CA10: variants seen among roughly 807,000 people sequenced by gnomAD.
CA10 encodes carbonic anhydrase 10 (inactive).
Under a neutral mutation model 44.2 loss-of-function variants are expected in CA10, and 14 were observed. The ratio of observed to expected loss-of-function variants is 0.32; its 90% CI spans 0.21 to 0.50. The LOEUF is 0.50. CA10 is among the 20% of genes least tolerant of loss of function. The pLI is 0.99. For synonymous variants in CA10, 159 were observed against 141.6 expected, an observed-to-expected ratio of 1.12 and a Z score of -0.87; for missense variants, 350 against 409.7, an observed-to-expected ratio of 0.85 and a Z score of 1.26.
intron 4 of CA10, among the ~76,000 whole-genome samples, chr17:51,714,552 T>G (rs754043422): frequency 6.6e-6 from 1 of 152,200 alleles, no homozygotes; most frequent in East Asian, 1.9e-4. Context: ...CTTCTCTAGA[T>G]ACCTGATGAG....
intron 1 of CA10, among the ~76,000 whole-genome samples, chr17:52,137,108 C>T (rs189185697): frequency 2.0e-5 from 3 of 150,294 alleles, no homozygotes; most frequent in Admixed American, 6.6e-5. Context: ...TTTTTTCACA[C>T]ACACTTGTGA....
chr17:52,037,002 G>A, intron 2 of CA10, among the ~76,000 whole-genome samples: 1 of 152,172 alleles, frequency 6.6e-6, no homozygotes, highest in East Asian at 1.9e-4. Flanking sequence ...TGGCAGAAGA[G>A]TGGCATTCTA....
chr17:51,740,092 A>G (rs1904397374), intron 4 of CA10, among the ~76,000 whole-genome samples: 1 of 152,232 alleles, frequency 6.6e-6, no homozygotes, highest in South Asian at 2.1e-4. Context: ...TTATGACTAT[A>G]CAATTTAATT....
At chr17:51,964,945 C>G (rs1247173660) in intron 2 of CA10, among the ~76,000 whole-genome samples, 4 of 151,740 alleles carry the variant, frequency 2.6e-5, no homozygotes, top group Admixed American at 2.0e-4. Context: ...CAAATCCATA[C>G]AAAGGGTCAA....
chr17:51,894,585 A>G (rs979883671), intron 3 of CA10, among the ~76,000 whole-genome samples: 2 of 152,146 alleles, frequency 1.3e-5, no homozygotes, highest in African/African-American at 2.4e-5. Context: ...TCAGGAACCA[A>G]TTCTATTTTC....
At chr17:52,044,458 C>G (rs1409494965) in intron 2 of CA10, among the ~76,000 whole-genome samples, 1 of 151,942 alleles carries the variant, frequency 6.6e-6, no homozygotes, top group Non-Finnish European at 1.5e-5. Context: ...TGCATGCCAC[C>G]ACACCTGACT....
At chr17:51,890,955 G>C (rs1261952049) in intron 3 of CA10, among the ~76,000 whole-genome samples, 1 of 150,808 alleles carries the variant, frequency 6.6e-6, no homozygotes, top group Non-Finnish European at 1.5e-5. Context: ...CTGCAAACAA[G>C]GCCATATCTC....
chr17:51,715,118 A>G (rs1353790423), intron 4 of CA10, among the ~76,000 whole-genome samples: 1 of 152,154 alleles, frequency 6.6e-6, no homozygotes, highest in Non-Finnish European at 1.5e-5. Context: ...TTGCAAGGAC[A>G]AAAAACCAAA....
intron 3 of CA10, among the ~76,000 whole-genome samples, chr17:51,813,340 A>C (rs1907446390): frequency 6.6e-6 from 1 of 152,226 alleles, no homozygotes; most frequent in African/African-American, 2.4e-5. Context: ...CAGGTTTTTA[A>C]ATTGCTGCAG....
At chr17:52,120,436 AT>A (rs1449068965) in intron 1 of CA10, among the ~76,000 whole-genome samples, 34 of 139,758 alleles carry the variant, frequency 2.4e-4, no homozygotes, top group African/African-American at 1.0e-3. Context: ...CCTTATCCTT[AT>A]CCTTATCCTT....
chr17:51,836,649 A>G (rs1908488109), intron 3 of CA10, among the ~76,000 whole-genome samples: 2 of 152,216 alleles, frequency 1.3e-5, no homozygotes, highest in African/African-American at 4.8e-5. Context: ...AATGCTTAAC[A>G]TTTGTGAAGT....
intron 3 of CA10, among the ~76,000 whole-genome samples, chr17:51,777,450 G>A (rs1193865024): frequency 6.6e-6 from 1 of 152,088 alleles, no homozygotes; most frequent in Non-Finnish European, 1.5e-5. Context: ...CGATTTTTTT[G>A]TACAAGAGTT....
At chr17:51,902,352 A>G (rs2143933150) in intron 3 of CA10, among the ~76,000 whole-genome samples, 1 of 152,304 alleles carries the variant, frequency 6.6e-6, no homozygotes, top group Non-Finnish European at 1.5e-5. Flanking sequence ...GTGATAATGT[A>G]AAGAAATAAG....
chr17:51,667,568 C>CA (rs35051892), intron 4 of CA10, among the ~76,000 whole-genome samples: 7,792 of 146,110 alleles, frequency 0.053, 226 homozygotes, highest in Middle Eastern at 0.087. Flanking sequence ...GCTGAGCAAG[C>CA]AAAAAAAAAA....
chr17:51,993,965 C>T (rs996473862), intron 2 of CA10, among the ~76,000 whole-genome samples: 1 of 152,016 alleles, frequency 6.6e-6, no homozygotes, highest in African/African-American at 2.4e-5. Context: ...GAGTAGTTCA[C>T]ATCTTAAAGG....
chr17:51,789,967 AG>A (rs1205417091), intron 3 of CA10, among the ~76,000 whole-genome samples: 1 of 152,072 alleles, frequency 6.6e-6, no homozygotes, highest in Non-Finnish European at 1.5e-5. Context: ...CATTACCCTA[AG>A]GGCCCTCCCG....
At chr17:52,007,239 A>G (rs1310782137) in intron 2 of CA10, among the ~76,000 whole-genome samples, 1 of 151,646 alleles carries the variant, frequency 6.6e-6, no homozygotes, top group Non-Finnish European at 1.5e-5. Flanking sequence ...CCTATAGTTT[A>G]TATTCTTCTC....
At chr17:51,670,726 A>G (rs943749172) in intron 4 of CA10, among the ~76,000 whole-genome samples, 1 of 152,138 alleles carries the variant, frequency 6.6e-6, no homozygotes, top group African/African-American at 2.4e-5. Flanking sequence ...TTGGGCTATA[A>G]TGTGAGCCAG....
intron 6 of CA10, among the ~76,000 whole-genome samples, chr17:51,641,144 TCTCTCA>T: frequency 6.8e-6 from 1 of 148,098 alleles, no homozygotes; most frequent in African/African-American, 2.5e-5. Flanking sequence ...TCTCTCTCTC[TCTCTCA>T]GCTCTCTCTC....
Sources: allele counts gnomAD v4.1 joint callset (sites outside exome capture counted in the v4.1 genomes callset), GRCh38; gene constraint gnomAD v4.1.1; transcripts MANE v1.5; gene names NCBI Gene and HGNC (gene_info 2026-07-23, HGNC 2026-07-21).